CDK2AP1: variants seen among roughly 807,000 people sequenced by gnomAD.
CDK2AP1 encodes the protein cyclin dependent kinase 2 associated protein 1, also known as cyclin-dependent kinase 2-associated protein 1.
In CDK2AP1, 10 loss-of-function variants were observed where a neutral mutation model predicts 14.1. That is an observed-to-expected ratio of 0.71 (90% CI 0.44 to 1.20). The LOEUF is 1.20. CDK2AP1 is among the 50% of genes most tolerant of loss of function. The probability of loss-of-function intolerance (pLI) is 0.00; values close to 1 mark genes in which losing one functional copy is unlikely to be tolerated. For synonymous variants in CDK2AP1, 59 were observed against 59.8 expected (o/e 0.99, Z 0.06); for missense variants, 102 against 149.9 (o/e 0.68, Z 1.67).
intron 1 of CDK2AP1, among the ~76,000 whole-genome samples, chr12:123,268,754 C>T (rs2048324385): frequency 6.6e-6 from 1 of 152,158 alleles, no homozygotes; most frequent in African/African-American, 2.4e-5. Flanking sequence ...ACGCACAACG[C>T]CCACGATATC....
intron 3 of CDK2AP1, among the ~76,000 whole-genome samples, chr12:123,264,706 C>T (rs983027393): frequency 2.0e-5 from 3 of 152,110 alleles, no homozygotes; most frequent in South Asian, 4.1e-4. Context: ...CCTCTCCAAC[C>T]ATTAAAGAAC....
intron 3 of CDK2AP1, among the ~76,000 whole-genome samples, chr12:123,264,462 C>CAAAAAAAAA (rs1167157405): frequency 0.021 from 1,493 of 69,682 alleles, 62 homozygotes; most frequent in Non-Finnish European, 0.028. Flanking sequence ...CTCCGTCTCC[C>CAAAAAAAAA]AAAAAAAAAA....
At chr12:123,268,607 C>T (rs1025649293) in intron 1 of CDK2AP1, among the ~76,000 whole-genome samples, 2 of 152,238 alleles carry the variant, frequency 1.3e-5, no homozygotes, top group Non-Finnish European at 2.9e-5. Context: ...GAACTGCAAA[C>T]GTGGACTTGG....
chr12:123,265,523 G>T lies in CDK2AP1; in HGVS notation c.154-201C>A, dbSNP rs528498407. ...ATCTCGGGGGAAAAAAAAAAAAAAG[G>T]GTTCAGCAGCCTGACCCCAAGGCCA... is the stretch of plus-strand genomic sequence containing the variant. On this transcript the variant is annotated intron_variant, in intron 2 of 3. Transcript: ENST00000261692. This position sits in a 1 kb window ranked among gnomAD's most constrained non-coding sequence, Gnocchi z 5.3. 6.6e-6 allele frequency among the ~76,000 whole-genome samples: 1 copy of T among 150,798 alleles called. No homozygotes were observed. The highest frequency in any genetic ancestry group is 2.1e-4 in the South Asian group (1 of 4,742).
In CDK2AP1 at chr12:123,271,556, TC is replaced by T; in HGVS notation, c.55+7del. ...GCGCTTGGGGCGCGTCGCACGCGGC[TC>T]ACTCACCGGCGTTGAGGGCGGCGGC... On this transcript the variant is annotated splice_region_variant and intron_variant, in intron 1 of 3. Coordinates refer to ENST00000261692, the MANE Select transcript of CDK2AP1 (RefSeq NM_004642.4). 1 of 1,003,190 alleles carries T rather than the reference TC, an allele frequency of 1.0e-6. No homozygotes were observed. The highest frequency in any genetic ancestry group is 1.2e-6 in the Non-Finnish European group (1 of 842,854). 62.1% of individuals were successfully genotyped at this position (1,003,190 alleles called of 1,614,324 possible). A position where few individuals can be genotyped will look rare whatever the true frequency, so the allele number is the denominator to read the frequency against.
intron 3 of CDK2AP1, among the ~76,000 whole-genome samples, chr12:123,264,491 A>AAAAAAAAAAAAAG (rs71085873): frequency 7.3e-6 from 1 of 137,722 alleles, no homozygotes; most frequent in Non-Finnish European, 1.6e-5. Context: ...AAAAAAAAAA[A>AAAAAAAAAAAAAG]GAGCCCCAAG....
chr12:123,262,976 G>A (rs1273223179), intron 3 of CDK2AP1, among the ~76,000 whole-genome samples: 2 of 151,790 alleles, frequency 1.3e-5, no homozygotes, highest in African/African-American at 2.4e-5. Context: ...CACTTTCGGA[G>A]GCCGGGGCGG....
At chr12:123,268,359 C>G (rs981807034) in intron 1 of CDK2AP1, 3 of 371,208 alleles carry the variant, frequency 8.1e-6, no homozygotes, top group Non-Finnish European at 1.1e-5. Flanking sequence ...GGGCCTCAAG[C>G]TGGGGGAGCC....
chr12:123,270,427 G>A (rs376904697), intron 1 of CDK2AP1, among the ~76,000 whole-genome samples: 20 of 152,106 alleles, frequency 1.3e-4, no homozygotes, highest in African/African-American at 4.6e-4. Context: ...TGCAAACAAG[G>A]CCCAAAACTC....
intron 2 of CDK2AP1, among the ~76,000 whole-genome samples, chr12:123,266,834 T>C (rs1327628400): frequency 6.6e-6 from 1 of 152,228 alleles, no homozygotes; most frequent in Non-Finnish European, 1.5e-5. Flanking sequence ...CCCTATCTTC[T>C]GTCCCAGCTT....
In CDK2AP1 at chr12:123,265,886, C is replaced by T. The variant is rs2048285386; in HGVS notation, c.154-564G>A. ...AAGCCAGTGGGGAGACAAGAGGCCA[C>T]ACCTGGGCCACCAGGACCACAGCGA... On this transcript the variant is annotated intron_variant, in intron 2 of 3. Coordinates refer to ENST00000261692, the MANE Select transcript of CDK2AP1 (RefSeq NM_004642.4). This position sits in a 1 kb window ranked among gnomAD's most constrained non-coding sequence, Gnocchi z 5.3. Among the ~76,000 whole-genome samples, 1 of 152,170 alleles carries T rather than the reference C, an allele frequency of 6.6e-6. No homozygotes were observed. The highest frequency in any genetic ancestry group is 2.4e-5 in the African/African-American group (1 of 41,452).
chr12:123,261,538 T>G lies in CDK2AP1; in HGVS notation c.*198A>C. 1 of 526,724 alleles carries G rather than the reference T, an allele frequency of 1.9e-6. No individual in the cohort carries two copies. The highest frequency in any genetic ancestry group is 2.5e-5 in the South Asian group (1 of 39,988). The allele number at this position is 526,724 out of a possible 1,614,324, so 32.6% of individuals were successfully genotyped here. ...AAAAAAAACCTGGGCAGTTCCTAAC[T>G]ACTTAAAATGCAAATCCTAATTAAC... On this transcript the variant is annotated 3_prime_UTR_variant, in exon 4 of 4. Coordinates refer to ENST00000261692, the MANE Select transcript of CDK2AP1 (RefSeq NM_004642.4).
Position 123,261,665 on chromosome 12 carries a change from T to G in CDK2AP1, c.*71A>C. The G allele has an allele frequency of 7.8e-7, 1 of 1,284,772 alleles. No individual in the cohort carries two copies. The highest frequency in any genetic ancestry group is 1.1e-6 in the Non-Finnish European group (1 of 881,860). 79.6% of individuals were successfully genotyped at this position (1,284,772 alleles called of 1,614,324 possible). On this transcript the variant is annotated 3_prime_UTR_variant, in exon 4 of 4. Transcript: ENST00000261692. Reference sequence around the variant, plus strand: ...CCATTTTGAAAACAAGGGTTTCATCTGAACAGGGGAGATGAACTGTAACTT... The same window carrying G: ...CCATTTTGAAAACAAGGGTTTCATCGGAACAGGGGAGATGAACTGTAACTT...
rs868749232 is a variant in CDK2AP1, at chr12:123,271,564, C to G, written c.55G>C (p.Ala19Pro). 1 of 1,007,622 alleles carries G rather than the reference C, an allele frequency of 9.9e-7. No individual in the cohort carries two copies. Among genetic ancestry groups the G allele is most frequent in the Non-Finnish European group, 1.2e-6 (1 of 845,388 alleles). The allele number at this position is 1,007,622 out of a possible 1,614,324, so 62.4% of individuals were successfully genotyped here. ...GGCGCGTCGCACGCGGCTCACTCAC[C>G]GGCGTTGAGGGCGGCGGCGGGCATG... Reference protein sequence around the residue: ...AHMPAAALNAAGSVHSPSTSM... With the variant: ...AHMPAAALNAPGSVHSPSTSM... Residue 19 changes from alanine to proline, a missense_variant and splice_region_variant, in exon 1 of 4, where the codon GCT becomes CCT. Ala to Pro is a conservative substitution (Grantham distance 27, BLOSUM62 -1). Coordinates refer to ENST00000261692, the MANE Select transcript of CDK2AP1 (RefSeq NM_004642.4).
intron 1 of CDK2AP1, 119 bp downstream of exon 1, chr12:123,271,445 G>A: frequency 2.6e-6 from 1 of 385,098 alleles, no homozygotes; most frequent in Non-Finnish European, 3.5e-6. Flanking sequence ...CCCCGGGCCG[G>A]GACCCTGAGC....
rs1166245744 is a variant in CDK2AP1, at chr12:123,265,780, TC to T, written c.154-459del. Among the ~76,000 whole-genome samples, 1 of 152,024 alleles carries T rather than the reference TC, an allele frequency of 6.6e-6. No homozygotes were observed. Among genetic ancestry groups the T allele is most frequent in the Non-Finnish European group, 1.5e-5 (1 of 68,006 alleles). ...CAATGAACAAAACAGGGGAAACAGC[TC>T]ATTTTGGCACAAAAGAGTCCAAACA... is the stretch of plus-strand genomic sequence containing the variant. On this transcript the variant is annotated intron_variant, in intron 2 of 3. Coordinates refer to ENST00000261692, the MANE Select transcript of CDK2AP1 (RefSeq NM_004642.4). This position sits in a 1 kb window ranked among gnomAD's most constrained non-coding sequence, Gnocchi z 5.3.
intron 3 of CDK2AP1, among the ~76,000 whole-genome samples, chr12:123,264,786 G>T (rs2048271712): frequency 6.6e-6 from 1 of 152,152 alleles, no homozygotes; most frequent in South Asian, 2.1e-4. Flanking sequence ...TCCCTCCAAA[G>T]AGGTGACAGC....
intron 1 of CDK2AP1, chr12:123,271,034 CCCGG>C: frequency 1.1e-6 from 1 of 888,940 alleles, no homozygotes; most frequent in South Asian, 5.6e-5. Context: ...CCCCCGGCAG[CCCGG>C]CAGCCCCGCA....
chr12:123,266,124 G>A (rs752004985), intron 2 of CDK2AP1, among the ~76,000 whole-genome samples: 2 of 152,060 alleles, frequency 1.3e-5, no homozygotes, highest in African/African-American at 4.8e-5. Flanking sequence ...CCATAGACAC[G>A]CCAGCTCCCT....
Sources: gnomAD v4.1 joint callset for allele counts (sites outside exome capture counted in the v4.1 genomes callset) on GRCh38, gnomAD v4.1.1 for gene constraint, Gnocchi (gnomAD v3.1) non-coding constraint, MANE v1.5 for transcripts, NCBI Gene and HGNC (gene_info 2026-07-23, HGNC 2026-07-21) for gene names.